NHLRC2: variants seen among roughly 807,000 people sequenced by gnomAD.
NHLRC2 encodes the protein NHL repeat-containing protein 2.
A neutral mutation model predicts 68.1 loss-of-function variants in NHLRC2; 33 were observed. That is an observed-to-expected ratio of 0.48 (90% CI 0.37 to 0.65). NHLRC2 has a LOEUF of 0.65. Among genes scored for constraint, NHLRC2 ranks in the 30% least tolerant of loss-of-function variants. The pLI is 0.00. For synonymous variants in NHLRC2, 311 were observed against 309.6 expected (o/e 1.00, Z -0.05); for missense variants, 761 against 853.8 (o/e 0.89, Z 1.35).
chr10:113,861,887 T>G lies in NHLRC2; in HGVS notation c.331+3207T>G, dbSNP rs527478647. On this transcript the variant is annotated intron_variant, in intron 2 of 10. Coordinates refer to ENST00000369301, the MANE Select transcript of NHLRC2 (RefSeq NM_198514.4). ...CACATTTTGTTTTCTATGTATTTTT[T>G]TTTTGAGACAGAGTCTTGCTCTATT... Among the ~76,000 whole-genome samples the G allele has an allele frequency of 9.2e-5, 14 of 152,312 alleles. No individual in the cohort carries two copies. In the East Asian group the frequency reaches 2.5e-3, roughly 27 times the overall value.
chr10:113,865,931 T>C (rs1348116303), intron 2 of NHLRC2, among the ~76,000 whole-genome samples: 1 of 152,244 alleles, frequency 6.6e-6, no homozygotes, highest in Admixed American at 6.5e-5. Flanking sequence ...CTATTTGATG[T>C]ACTTCTGAAT....
In NHLRC2 at chr10:113,917,008, T is replaced by C. The variant is rs1846393171; in HGVS notation, c.*8472T>C. 6.6e-6 allele frequency: 1 copy of C among 152,214 alleles called. No homozygotes were observed. Among genetic ancestry groups the C allele is most frequent in the Admixed American group, 6.5e-5 (1 of 15,286 alleles). 9.4% of individuals were successfully genotyped at this position (152,214 alleles called of 1,614,324 possible). On this transcript the variant is annotated 3_prime_UTR_variant, in exon 11 of 11. Transcript: ENST00000369301. Reference sequence around the variant, plus strand: ...TGTACTTTTCAGTGACTTTTTCAAGTGCATGTGTTAACAGAAGATTGTTTG... The same window carrying C: ...TGTACTTTTCAGTGACTTTTTCAAGCGCATGTGTTAACAGAAGATTGTTTG...
At chr10:113,903,996 A>T (rs554403061) in intron 9 of NHLRC2, among the ~76,000 whole-genome samples, 1 of 152,138 alleles carries the variant, frequency 6.6e-6, no homozygotes, top group African/African-American at 2.4e-5. Context: ...CTTCAAGAAA[A>T]AAAAAAGGAG....
At chr10:113,858,712 T>A (rs767694828) in intron 2 of NHLRC2, 32 bp downstream of exon 2, 22 of 1,544,380 alleles carry the variant, frequency 1.4e-5, no homozygotes, top group Non-Finnish European at 1.8e-5. Flanking sequence ...TCTAACAGAC[T>A]GTCCTGGCAT....
At chr10:113,907,064 C>G (rs941429810) in intron 10 of NHLRC2, among the ~76,000 whole-genome samples, 1 of 152,150 alleles carries the variant, frequency 6.6e-6, no homozygotes. Flanking sequence ...AAGATACTCT[C>G]TAACCCAGGA....
chr10:113,893,287 G>A (rs1846149174), intron 5 of NHLRC2, among the ~76,000 whole-genome samples: 1 of 152,046 alleles, frequency 6.6e-6, no homozygotes, highest in Non-Finnish European at 1.5e-5. Flanking sequence ...GGTGAAAAAC[G>A]GGCAAGTAGA....
intron 2 of NHLRC2, among the ~76,000 whole-genome samples, chr10:113,865,074 C>T (rs1023567459): frequency 4.6e-5 from 7 of 151,770 alleles, no homozygotes; most frequent in Non-Finnish European, 8.8e-5. Flanking sequence ...CTCAGCCTCC[C>T]GAGTAGCTGG....
chr10:113,909,172 T>TA lies in NHLRC2; in HGVS notation c.*637dup, dbSNP rs1247819337. 7.2e-5 allele frequency: 11 copies of TA among 152,390 alleles called. 1 individual carries two copies. Among genetic ancestry groups the TA allele is most frequent in the African/African-American group, 2.6e-4 (11 of 41,596 alleles). 9.4% of individuals were successfully genotyped at this position (152,390 alleles called of 1,614,324 possible). The stretch of plus-strand genomic sequence containing the variant: ...ATTATAAATTATTTGTTATTTAACA[T>TA]ACCATTATGAATGCCTTAAAACTTT... On this transcript the variant is annotated 3_prime_UTR_variant, in exon 11 of 11. Transcript: ENST00000369301.
chr10:113,879,163 G>A (rs963942997), intron 3 of NHLRC2, among the ~76,000 whole-genome samples: 2 of 152,114 alleles, frequency 1.3e-5, no homozygotes, highest in South Asian at 2.1e-4. Context: ...CAGGATCTGG[G>A]ATTGTTTACA....
At chr10:113,861,230 T>C (rs1240879881) in intron 2 of NHLRC2, among the ~76,000 whole-genome samples, 1 of 152,184 alleles carries the variant, frequency 6.6e-6, no homozygotes, top group East Asian at 1.9e-4. Context: ...CAGACCAGCA[T>C]GTGCATTTTG....
rs1465796555 is a variant in NHLRC2 at position 113,915,227 on chromosome 10, G to A, written c.*6691G>A. On this transcript the variant is annotated 3_prime_UTR_variant, in exon 11 of 11. Coordinates refer to ENST00000369301, the MANE Select transcript of NHLRC2 (RefSeq NM_198514.4). Reference sequence around the variant, plus strand: ...CTGTTGAAAGCCACAGGACCAAAAGGAAAATATTGCAACTATTTGCAAACA... The same window carrying A: ...CTGTTGAAAGCCACAGGACCAAAAGAAAAATATTGCAACTATTTGCAAACA... 2.2e-6 allele frequency: 1 copy of A among 456,260 alleles called. No individual in the cohort carries two copies. Among genetic ancestry groups the A allele is most frequent in the Non-Finnish European group, 4.4e-6 (1 of 226,966 alleles). The allele number at this position is 456,260 out of a possible 1,614,324, so 28.3% of individuals were successfully genotyped here.
At chr10:113,860,333 G>A (rs1002542749) in intron 2 of NHLRC2, among the ~76,000 whole-genome samples, 1 of 152,042 alleles carries the variant, frequency 6.6e-6, no homozygotes, top group African/African-American at 2.4e-5. Flanking sequence ...TTCCTAGAAT[G>A]GATCCTTATA....
At chr10:113,855,297 G>T (rs1315647371) in intron 1 of NHLRC2, among the ~76,000 whole-genome samples, 1 of 152,216 alleles carries the variant, frequency 6.6e-6, no homozygotes, top group Non-Finnish European at 1.5e-5. Context: ...TTCCGCCCGC[G>T]CCTGATATTA....
intron 5 of NHLRC2, among the ~76,000 whole-genome samples, chr10:113,897,233 G>C (rs1326730565): frequency 6.6e-6 from 1 of 152,040 alleles, no homozygotes; most frequent in African/African-American, 2.4e-5. Flanking sequence ...TATTATCTTA[G>C]ATTTATGGTA....
At chr10:113,902,666 C>T in intron 8 of NHLRC2, 73 bp downstream of exon 8, 5 of 1,259,316 alleles carry the variant, frequency 4.0e-6, no homozygotes, top group East Asian at 4.7e-5. Context: ...GATCTGTGAG[C>T]CTCCTACAAC....
At chr10:113,901,631 C>A in intron 6 of NHLRC2, 35 bp from the exon 7 acceptor site, 2 of 1,297,500 alleles carry the variant, frequency 1.5e-6, no homozygotes, top group Non-Finnish European at 2.2e-6. Flanking sequence ...CAATATACCA[C>A]ATGTTGACTC....
chr10:113,896,381 T>A (rs1846177876), intron 5 of NHLRC2, among the ~76,000 whole-genome samples: 1 of 151,458 alleles, frequency 6.6e-6, no homozygotes, highest in Admixed American at 6.6e-5. Flanking sequence ...ATGGATGAAA[T>A]TGGAAATCAT....
At chr10:113,855,732 C>A (rs1405931505) in intron 1 of NHLRC2, among the ~76,000 whole-genome samples, 1 of 152,196 alleles carries the variant, frequency 6.6e-6, no homozygotes, top group Non-Finnish European at 1.5e-5. Flanking sequence ...CTCCTGATTT[C>A]AAGTGATCCT....
At chr10:113,877,056 G>A (rs1264887278) in intron 3 of NHLRC2, 80 bp downstream of exon 3, 1 of 834,448 alleles carries the variant, frequency 1.2e-6, no homozygotes, top group South Asian at 2.0e-5. Flanking sequence ...AAGTTGAAAT[G>A]TCTAAATGAA....
Sources: gnomAD v4.1 joint callset for allele counts (sites outside exome capture counted in the v4.1 genomes callset) on GRCh38, gnomAD v4.1.1 for gene constraint, MANE v1.5 for transcripts, NCBI Gene and HGNC (gene_info 2026-07-23, HGNC 2026-07-21) for gene names.